HPSE2: variants seen among roughly 807,000 people sequenced by gnomAD.
HPSE2 encodes heparanase 2 (inactive).
Under a neutral mutation model 60.5 loss-of-function variants are expected in HPSE2, and 38 were observed. The observed-to-expected ratio is 0.63, with a 90% CI of 0.48 to 0.82. HPSE2 has a LOEUF of 0.82. Among genes scored for constraint, HPSE2 ranks in the 40% least tolerant of loss-of-function variants. The pLI, the probability that HPSE2 is intolerant of heterozygous loss-of-function variation, is 0.00. For synonymous variants in HPSE2, 295 were observed against 293.2 expected (o/e 1.01, Z -0.06); for missense variants, 713 against 740.4 (o/e 0.96, Z 0.43).
intron 6 of HPSE2, among the ~76,000 whole-genome samples, chr10:98,675,539 TACACACACAC>T (rs774393556): frequency 2.5e-4 from 31 of 121,592 alleles, no homozygotes; most frequent in East Asian, 1.1e-3. Flanking sequence ...GATCCCTGTC[TACACACACAC>T]ACACACACAC....
chr10:98,917,710 G>GT (rs1453788459), intron 3 of HPSE2, among the ~76,000 whole-genome samples: 1 of 152,078 alleles, frequency 6.6e-6, no homozygotes, highest in African/African-American at 2.4e-5. Flanking sequence ...ACTTACCACT[G>GT]TAAGCTGAAC....
chr10:99,120,631 G>A (rs531875821), intron 3 of HPSE2, among the ~76,000 whole-genome samples: 17 of 152,112 alleles, frequency 1.1e-4, no homozygotes, highest in South Asian at 4.2e-4. Flanking sequence ...GTGCCACCAC[G>A]CCCAGCTAAT....
chr10:98,690,298 T>C (rs1948042034), intron 6 of HPSE2, among the ~76,000 whole-genome samples: 1 of 152,190 alleles, frequency 6.6e-6, no homozygotes, highest in Non-Finnish European at 1.5e-5. Context: ...CCCAGCACTT[T>C]GGGAGGCCAA....
chr10:98,877,634 CA>C (rs1240297842), intron 3 of HPSE2, among the ~76,000 whole-genome samples: 21 of 151,730 alleles, frequency 1.4e-4, no homozygotes, highest in Admixed American at 1.3e-3. Flanking sequence ...AGGAATGTGA[CA>C]AATAATAAGT....
chr10:99,181,975 C>T (rs1182533675), intron 2 of HPSE2, among the ~76,000 whole-genome samples: 2 of 152,170 alleles, frequency 1.3e-5, no homozygotes, highest in African/African-American at 4.8e-5. Context: ...AATGAAAAGG[C>T]AGAGCCATCT....
chr10:99,255,537 TAC>T, the HPSE2 span, among the ~76,000 whole-genome samples: 1 of 144,108 alleles, frequency 6.9e-6, no homozygotes, highest in Admixed American at 7.0e-5. Flanking sequence ...AACAAATTAG[TAC>T]ACACACATGC....
intron 9 of HPSE2, among the ~76,000 whole-genome samples, chr10:98,601,826 T>C (rs564239): frequency 0.86 from 130,415 of 152,072 alleles, 58,496 homozygotes; most frequent in South Asian, 0.99. Flanking sequence ...CCAGGGAAAC[T>C]GATGCAAATA....
chr10:98,601,918 G>A (rs1317184804), intron 9 of HPSE2, among the ~76,000 whole-genome samples: 1 of 152,190 alleles, frequency 6.6e-6, no homozygotes, highest in Non-Finnish European at 1.5e-5. Context: ...AGGCAAACTT[G>A]TTAGCTTGCA....
At chr10:98,754,719 A>G (rs993235101) in intron 3 of HPSE2, among the ~76,000 whole-genome samples, 1 of 149,720 alleles carries the variant, frequency 6.7e-6, no homozygotes, top group Non-Finnish European at 1.5e-5. Context: ...TTCTTAAAGA[A>G]AAAAAATTTG....
upstream of HPSE2, among the ~76,000 whole-genome samples, chr10:99,239,967 T>C (rs1849915148): frequency 6.6e-6 from 1 of 151,898 alleles, no homozygotes; most frequent in Non-Finnish European, 1.5e-5. Context: ...GGTGGGTGGA[T>C]CACCTGAGGT....
At chr10:98,966,952 T>C (rs1249960073) in intron 3 of HPSE2, among the ~76,000 whole-genome samples, 2 of 152,148 alleles carry the variant, frequency 1.3e-5, no homozygotes. Context: ...GGAGTTCAGA[T>C]CATGTGGGGC....
At chr10:98,782,920 T>TTA (rs1461010257) in intron 3 of HPSE2, among the ~76,000 whole-genome samples, 2,182 of 42,694 alleles carry the variant, frequency 0.051, 45 homozygotes, top group African/African-American at 0.12. Context: ...TTATTTTTTT[T>TTA]TTTTTATTTT....
At chr10:98,549,229 C>T (rs1035182659) in intron 9 of HPSE2, among the ~76,000 whole-genome samples, 2 of 152,108 alleles carry the variant, frequency 1.3e-5, no homozygotes, top group Admixed American at 1.3e-4. Context: ...TTAGATTTTT[C>T]ATCTGTAAAA....
chr10:99,053,073 C>T (rs1308621289), intron 3 of HPSE2, among the ~76,000 whole-genome samples: 3 of 149,446 alleles, frequency 2.0e-5, no homozygotes, highest in African/African-American at 7.3e-5. Flanking sequence ...ATACTTAACA[C>T]TACTAAACTA....
At chr10:98,755,001 AC>A (rs869219433) in intron 3 of HPSE2, among the ~76,000 whole-genome samples, 1 of 107,456 alleles carries the variant, frequency 9.3e-6, no homozygotes, top group Non-Finnish European at 2.4e-5. Flanking sequence ...TAACAAGATG[AC>A]AGGATCAAAT....
At chr10:98,482,600 C>T (rs1388239148) in intron 11 of HPSE2, 36 bp downstream of exon 11, 1 of 1,613,562 alleles carries the variant, frequency 6.2e-7, no homozygotes. Context: ...GCTCCTGCTG[C>T]ACTTGCTCCC....
At chr10:98,867,014 A>G (rs1952604717) in intron 3 of HPSE2, among the ~76,000 whole-genome samples, 2 of 152,190 alleles carry the variant, frequency 1.3e-5, no homozygotes, top group Non-Finnish European at 2.9e-5. Flanking sequence ...ACAATAAAGG[A>G]CAGTGAACAC....
intron 3 of HPSE2, among the ~76,000 whole-genome samples, chr10:98,829,701 AAAAC>A (rs1357367073): frequency 1.3e-5 from 2 of 152,124 alleles, no homozygotes; most frequent in Non-Finnish European, 1.5e-5. Context: ...CCCCAAAACA[AAAAC>A]AAACAAACAA....
intron 3 of HPSE2, among the ~76,000 whole-genome samples, chr10:98,945,771 T>C (rs1463584556): frequency 6.6e-6 from 1 of 152,150 alleles, no homozygotes; most frequent in Non-Finnish European, 1.5e-5. Flanking sequence ...TTATCAAAAC[T>C]CCTTTAGAGG....
Sources: allele counts gnomAD v4.1 joint callset (sites outside exome capture counted in the v4.1 genomes callset), GRCh38; gene constraint gnomAD v4.1.1; transcripts MANE v1.5; gene names NCBI Gene and HGNC (gene_info 2026-07-23, HGNC 2026-07-21).